Variants in NKAIN3 observed in about 807,000 individuals in gnomAD.
NKAIN3 encodes sodium/potassium transporting ATPase interacting 3, also known as sodium/potassium-transporting ATPase subunit beta-1-interacting protein 3.
In NKAIN3, 25 loss-of-function variants were observed where a neutral mutation model predicts 30.2. That is an observed-to-expected ratio of 0.83 (90% CI 0.60 to 1.16). NKAIN3 has a LOEUF of 1.16. NKAIN3 is among the 50% of genes most tolerant of loss of function. The pLI is 0.00. For missense variants in NKAIN3, 225 were observed against 254.1 expected (o/e 0.89, Z 0.78); for synonymous variants, 91 against 89.6 (o/e 1.02, Z -0.09).
intron 1 of NKAIN3, among the ~76,000 whole-genome samples, chr8:62,435,492 G>A (rs953713912): frequency 2.0e-5 from 3 of 152,118 alleles, no homozygotes; most frequent in South Asian, 2.1e-4. Flanking sequence ...ACGAAGCCAA[G>A]AAATAATTTC....
At chr8:62,855,247 A>G (rs560241637) in intron 4 of NKAIN3, 14 of 435,948 alleles carry the variant, frequency 3.2e-5, no homozygotes, top group South Asian at 2.8e-4. Flanking sequence ...CTGGCTGGGA[A>G]CAAGGCCTGC....
intron 1 of NKAIN3, among the ~76,000 whole-genome samples, chr8:62,391,417 C>G (rs1585753906): frequency 6.6e-6 from 1 of 151,972 alleles, no homozygotes; most frequent in East Asian, 1.9e-4. Flanking sequence ...GAAATAAGGT[C>G]AAAGTCATAA....
chr8:62,294,341 A>G (rs1173824945), intron 1 of NKAIN3, among the ~76,000 whole-genome samples: 1 of 152,224 alleles, frequency 6.6e-6, no homozygotes, highest in African/African-American at 2.4e-5. Context: ...CTATTCAGCC[A>G]TCTTCAGCCT....
chr8:62,875,980 A>G (rs987416544), intron 4 of NKAIN3, among the ~76,000 whole-genome samples: 2 of 152,218 alleles, frequency 1.3e-5, no homozygotes, highest in African/African-American at 4.8e-5. Context: ...GACAAATGAG[A>G]TCTAATTAAA....
intron 1 of NKAIN3, among the ~76,000 whole-genome samples, chr8:62,572,169 C>CT (rs912169480): frequency 2.6e-5 from 4 of 152,176 alleles, no homozygotes; most frequent in Non-Finnish European, 5.9e-5. Context: ...CTCTTGAATG[C>CT]TTTGCTGCTT....
chr8:62,447,181 A>G, intron 1 of NKAIN3, among the ~76,000 whole-genome samples: 2 of 152,054 alleles, frequency 1.3e-5, no homozygotes, highest in East Asian at 3.9e-4. Flanking sequence ...AAACAGAACT[A>G]TCCCAGGCAA....
chr8:62,942,213 CACATATATATACAT>C (rs1563638352), intron 5 of NKAIN3, among the ~76,000 whole-genome samples: 1 of 34,846 alleles, frequency 2.9e-5, no homozygotes, highest in African/African-American at 1.7e-4. Context: ...CATATATATA[CACATATATATACAT>C]ATATATACAC....
chr8:62,621,360 T>C (rs1227118929), intron 3 of NKAIN3, among the ~76,000 whole-genome samples: 1 of 152,054 alleles, frequency 6.6e-6, no homozygotes, highest in East Asian at 1.9e-4. Context: ...ATAAATGTAA[T>C]ATAAAAATGT....
intron 3 of NKAIN3, among the ~76,000 whole-genome samples, chr8:62,637,986 C>T (rs1812185909): frequency 6.6e-6 from 1 of 152,160 alleles, no homozygotes; most frequent in Admixed American, 6.5e-5. Context: ...AGTTGATTCA[C>T]TATCTCTGGG....
chr8:62,571,775 T>A (rs1421136302), intron 1 of NKAIN3, among the ~76,000 whole-genome samples: 1 of 152,166 alleles, frequency 6.6e-6, no homozygotes, highest in Non-Finnish European at 1.5e-5. Flanking sequence ...GCTTGCACCC[T>A]CTAAAGCCTT....
rs1191221218 is a variant in NKAIN3, at chr8:62,579,470, G to A, written c.55-69G>A. ...TGAATATGCAGACTCCTCCAGCCAT[G>A]AGATAAAGATTAAAATAGTATGATG... On this transcript the variant is annotated intron_variant, in intron 1 of 6. Transcript: ENST00000623646. The A allele has an allele frequency of 4.0e-6, 5 of 1,241,400 alleles. No homozygotes were observed. In the Admixed American group the frequency reaches 7.4e-5, roughly 18 times the overall value. 76.9% of individuals were successfully genotyped at this position (1,241,400 alleles called of 1,614,324 possible). A position where few individuals can be genotyped will look rare whatever the true frequency, so the allele number is the denominator to read the frequency against.
chr8:62,907,796 C>T (rs1237022291), intron 4 of NKAIN3, among the ~76,000 whole-genome samples: 1 of 152,190 alleles, frequency 6.6e-6, no homozygotes, highest in East Asian at 1.9e-4. Flanking sequence ...ACCTGGATGT[C>T]CAGGCAGAGG....
At chr8:62,550,704 A>G (rs1366379763) in intron 1 of NKAIN3, among the ~76,000 whole-genome samples, 2 of 152,222 alleles carry the variant, frequency 1.3e-5, no homozygotes, top group African/African-American at 2.4e-5. Flanking sequence ...ATGTGACCCA[A>G]TAAAATTAGA....
intron 1 of NKAIN3, among the ~76,000 whole-genome samples, chr8:62,360,102 C>T (rs1048923445): frequency 5.9e-5 from 9 of 152,272 alleles, no homozygotes; most frequent in Non-Finnish European, 1.2e-4. Flanking sequence ...TCACCCCATG[C>T]AGCCACCCAA....
At chr8:62,868,725 G>T (rs559693855) in intron 4 of NKAIN3, among the ~76,000 whole-genome samples, 1 of 152,150 alleles carries the variant, frequency 6.6e-6, no homozygotes, top group African/African-American at 2.4e-5. Flanking sequence ...TGCATTCAAC[G>T]TTTATAAACC....
chr8:62,630,614 A>G (rs969765663), intron 3 of NKAIN3, among the ~76,000 whole-genome samples: 2 of 152,012 alleles, frequency 1.3e-5, no homozygotes, highest in African/African-American at 4.8e-5. Flanking sequence ...TGCATCCTCT[A>G]CTCCAGTTCT....
intron 5 of NKAIN3, among the ~76,000 whole-genome samples, chr8:62,920,119 A>C (rs972501550): frequency 1.3e-5 from 2 of 152,240 alleles, no homozygotes; most frequent in African/African-American, 4.8e-5. Flanking sequence ...GCCAAAAAAC[A>C]GTTGGTTGAG....
At chr8:62,257,013 G>C (rs1235187795) in intron 1 of NKAIN3, among the ~76,000 whole-genome samples, 2 of 151,966 alleles carry the variant, frequency 1.3e-5, no homozygotes, top group African/African-American at 4.8e-5. Context: ...GAGGTAATTT[G>C]ATGTTTTGAT....
chr8:62,353,638 T>G (rs143918004), intron 1 of NKAIN3, among the ~76,000 whole-genome samples: 82 of 152,302 alleles, frequency 5.4e-4, no homozygotes, highest in African/African-American at 1.8e-3. Context: ...AATGTGTCAT[T>G]AATTTTTATG....
Sources: gnomAD v4.1 joint callset for allele counts (sites outside exome capture counted in the v4.1 genomes callset) on GRCh38, gnomAD v4.1.1 for gene constraint, MANE v1.5 for transcripts, NCBI Gene and HGNC (gene_info 2026-07-23, HGNC 2026-07-21) for gene names.